TMED3: variants seen among roughly 807,000 people sequenced by gnomAD.
TMED3 encodes the protein transmembrane p24 trafficking protein 3, also known as transmembrane emp24 domain-containing protein 3.
A neutral mutation model predicts 15.0 loss-of-function variants in TMED3; 9 were observed. The ratio of observed to expected loss-of-function variants is 0.60; its 90% CI spans 0.36 to 1.04. TMED3 has a LOEUF of 1.04. Ranked by LOEUF, TMED3 falls within the 50% of genes least tolerant of loss-of-function variation. TMED3 has a pLI of 0.01. For synonymous variants in TMED3, 117 were observed against 121.4 expected (o/e 0.96, Z 0.24); for missense variants, 267 against 278.9 (o/e 0.96, Z 0.30).
chr15:79,344,549 T>C (rs1490203349), intron 2 of TMED3, among the ~76,000 whole-genome samples: 1 of 152,170 alleles, frequency 6.6e-6, no homozygotes, highest in African/African-American at 2.4e-5. Flanking sequence ...CTCTCTCTTT[T>C]CTCTTATAAG....
chr15:79,326,584 C>G (rs2058788319), downstream of TMED3, among the ~76,000 whole-genome samples: 1 of 152,186 alleles, frequency 6.6e-6, no homozygotes, highest in Non-Finnish European at 1.5e-5. Context: ...CCTTTAAACT[C>G]TCCTCAACTT....
intron 2 of TMED3, among the ~76,000 whole-genome samples, chr15:79,361,190 C>G (rs1332442080): frequency 6.6e-6 from 1 of 152,112 alleles, no homozygotes; most frequent in Non-Finnish European, 1.5e-5. Flanking sequence ...TTAACCAATT[C>G]CAAGTGTTGA....
intron 2 of TMED3, among the ~76,000 whole-genome samples, chr15:79,354,840 C>A (rs759772009): frequency 6.6e-6 from 1 of 152,040 alleles, no homozygotes; most frequent in Non-Finnish European, 1.5e-5. Context: ...CAAGCTCTGC[C>A]CCCCCATTCC....
intron 2 of TMED3, among the ~76,000 whole-genome samples, chr15:79,354,623 C>CAAAAAAAAAAA (rs60577285): frequency 8.3e-6 from 1 of 120,918 alleles, no homozygotes. Flanking sequence ...ATAGAAGAGG[C>CAAAAAAAAAAA]AAAAAAAAAA....
At chr15:79,314,583 A>C (rs746995666) in intron 2 of TMED3, 1 of 455,326 alleles carries the variant, frequency 2.2e-6, no homozygotes, top group South Asian at 1.5e-5. Flanking sequence ...GGAAGAGAGA[A>C]TGAGAAAAGC....
downstream of TMED3, among the ~76,000 whole-genome samples, chr15:79,326,243 T>C (rs912861970): frequency 6.6e-6 from 1 of 152,228 alleles, no homozygotes; most frequent in Non-Finnish European, 1.5e-5. Flanking sequence ...CAAAAGGATA[T>C]GCTATGTGGA....
chr15:79,351,406 C>A (rs2058890529), intron 2 of TMED3, among the ~76,000 whole-genome samples: 1 of 152,130 alleles, frequency 6.6e-6, no homozygotes, highest in African/African-American at 2.4e-5. Flanking sequence ...AATTAGTTGG[C>A]AGTACTGTTT....
intron 2 of TMED3, among the ~76,000 whole-genome samples, chr15:79,407,775 C>G (rs1441687781): frequency 3.3e-5 from 5 of 152,208 alleles, no homozygotes; most frequent in African/African-American, 1.2e-4. Context: ...TACCTGACCC[C>G]TGACAGGAAA....
At chr15:79,323,707 T>C (rs2141219365), downstream of TMED3, among the ~76,000 whole-genome samples, 2 of 152,298 alleles carry the variant, frequency 1.3e-5, no homozygotes, top group African/African-American at 4.8e-5. Flanking sequence ...GTTTAAAGAA[T>C]TGAAGGACAC....
At chr15:79,386,704 AT>A (rs35828266) in intron 2 of TMED3, among the ~76,000 whole-genome samples, 4,663 of 125,134 alleles carry the variant, frequency 0.037, 219 homozygotes, top group African/African-American at 0.12. Context: ...ATGCCTGGCT[AT>A]TTTTTTTTTT....
At chr15:79,374,640 C>G (rs1893396374) in intron 2 of TMED3, among the ~76,000 whole-genome samples, 2 of 152,170 alleles carry the variant, frequency 1.3e-5, no homozygotes, top group South Asian at 2.1e-4. Context: ...ACATTCTCTC[C>G]CATCCCCAAT....
intron 2 of TMED3, among the ~76,000 whole-genome samples, chr15:79,358,670 C>A (rs1312018179): frequency 1.3e-5 from 2 of 152,204 alleles, no homozygotes; most frequent in African/African-American, 4.8e-5. Flanking sequence ...ACAGTATTTC[C>A]ATCAGTGGAT....
At position 79,322,237 on chromosome 15, in the gene TMED3, C is replaced by T. The variant is rs758721902; in HGVS notation, c.*23C>T. 8 of 1,599,498 alleles carry T rather than the reference C, an allele frequency of 5.0e-6. No individual in the cohort carries two copies. Among genetic ancestry groups the T allele is most frequent in the Non-Finnish European group, 6.8e-6 (8 of 1,171,448 alleles). ...TAGCCCCGGCATCCTGCTCTAGGGC[C>T]CCTCATGCCCCAGGCTGGAGCAGCT... On this transcript the variant is annotated 3_prime_UTR_variant, in exon 3 of 3. Transcript: ENST00000299705.
chr15:79,367,922 A>T (rs1419943645), intron 2 of TMED3, among the ~76,000 whole-genome samples: 1 of 152,194 alleles, frequency 6.6e-6, no homozygotes, highest in East Asian at 1.9e-4. Context: ...GAAAAGAATT[A>T]GCTCTGTTTG....
chr15:79,315,117 C>T (rs2058735332), intron 2 of TMED3, among the ~76,000 whole-genome samples: 1 of 152,146 alleles, frequency 6.6e-6, no homozygotes, highest in African/African-American at 2.4e-5. Context: ...AGGTGGCATC[C>T]TTCCTCTGTG....
intron 2 of TMED3, among the ~76,000 whole-genome samples, chr15:79,342,132 A>G (rs1204581385): frequency 2.0e-5 from 3 of 152,238 alleles, no homozygotes; most frequent in African/African-American, 4.8e-5. Flanking sequence ...ACAAAACAAG[A>G]GTTTGAAGCA....
At chr15:79,329,612 G>T (rs1163033797) in intron 2 of TMED3, among the ~76,000 whole-genome samples, 1 of 152,210 alleles carries the variant, frequency 6.6e-6, no homozygotes, top group African/African-American at 2.4e-5. Context: ...GGCCTGGCAG[G>T]CCAGGGAATG....
chr15:79,399,207 A>T (rs1893802001), intron 2 of TMED3, among the ~76,000 whole-genome samples: 1 of 152,176 alleles, frequency 6.6e-6, no homozygotes, highest in Non-Finnish European at 1.5e-5. Flanking sequence ...CACCACACCC[A>T]GCAAAATCTT....
intron 2 of TMED3, among the ~76,000 whole-genome samples, chr15:79,402,876 A>C (rs1295727330): frequency 6.6e-6 from 1 of 152,184 alleles, no homozygotes; most frequent in Non-Finnish European, 1.5e-5. Context: ...GACTGAGCCC[A>C]GTCCTCACAC....
Sources: allele counts gnomAD v4.1 joint callset (sites outside exome capture counted in the v4.1 genomes callset), GRCh38; gene constraint gnomAD v4.1.1; transcripts MANE v1.5; gene names NCBI Gene and HGNC (gene_info 2026-07-23, HGNC 2026-07-21).